The following GALNT13 variants were observed in gnomAD, a reference collection of about 807,000 sequenced individuals.
GALNT13 encodes UDP-GalNAc:polypeptide N-acetylgalactosaminyltransferase 13.
In GALNT13, 28 loss-of-function variants were observed where a neutral mutation model predicts 64.2. The ratio of observed to expected loss-of-function variants is 0.44; its 90% CI spans 0.32 to 0.60. The LOEUF is 0.60. Ranked by LOEUF, GALNT13 falls within the 20% of genes least tolerant of loss-of-function variation. GALNT13 has a pLI of 0.05. For missense variants in GALNT13, 577 were observed against 669.8 expected (o/e 0.86, Z 1.53); for synonymous variants, 214 against 224.6 (o/e 0.95, Z 0.42).
intron 2 of GALNT13, among the ~76,000 whole-genome samples, chr2:153,931,018 A>G (rs72865024): frequency 0.071 from 10,667 of 150,506 alleles, 438 homozygotes; most frequent in Middle Eastern, 0.13. Flanking sequence ...GTAATTCTCA[A>G]TGTAGAGATA....
chr2:154,067,570 AT>A (rs1700533847), intron 3 of GALNT13, among the ~76,000 whole-genome samples: 1 of 152,128 alleles, frequency 6.6e-6, no homozygotes, highest in African/African-American at 2.4e-5. Context: ...AAATGGGTCA[AT>A]TTAGCCAGAG....
chr2:154,003,642 C>G (rs1305056787), intron 3 of GALNT13, among the ~76,000 whole-genome samples: 1 of 152,052 alleles, frequency 6.6e-6, no homozygotes, highest in Admixed American at 6.5e-5. Context: ...GTGTCCTTAC[C>G]CAAATCTCAT....
chr2:154,093,346 TA>T (rs1393987049), intron 3 of GALNT13, among the ~76,000 whole-genome samples: 1 of 151,916 alleles, frequency 6.6e-6, no homozygotes, highest in African/African-American at 2.4e-5. Flanking sequence ...ATGTTTGGAG[TA>T]AAGAGTAATT....
intron 4 of GALNT13, 75 bp downstream of exon 4, chr2:154,140,580 T>C: frequency 9.9e-7 from 1 of 1,009,056 alleles, no homozygotes; most frequent in South Asian, 1.6e-5. Flanking sequence ...TTGAGCTAAC[T>C]CAGATTATAT....
intron 3 of GALNT13, among the ~76,000 whole-genome samples, chr2:154,087,664 G>A (rs1488864978): frequency 3.3e-5 from 5 of 152,030 alleles, no homozygotes; most frequent in Non-Finnish European, 7.4e-5. Context: ...GAGAAAAATA[G>A]TATAAAATCA....
intron 3 of GALNT13, among the ~76,000 whole-genome samples, chr2:154,127,257 A>G (rs960200290): frequency 2.6e-5 from 4 of 152,118 alleles, no homozygotes; most frequent in African/African-American, 9.7e-5. Flanking sequence ...ATAAATAGAT[A>G]TTAAAGCTGT....
the GALNT13 span, among the ~76,000 whole-genome samples, chr2:153,128,296 G>A: frequency 3.9e-5 from 6 of 152,156 alleles, no homozygotes; most frequent in East Asian, 1.9e-4. Context: ...TCACAATCAC[G>A]GTGGAAAGCA....
chr2:153,717,961 G>GT, the GALNT13 span, among the ~76,000 whole-genome samples: 6,580 of 147,102 alleles, frequency 0.045, 179 homozygotes, highest in Non-Finnish European at 0.053. Flanking sequence ...CTAAAAATTA[G>GT]TTTTTTTTTT....
chr2:154,096,407 T>C (rs1022400223), intron 3 of GALNT13, among the ~76,000 whole-genome samples: 2 of 152,044 alleles, frequency 1.3e-5, no homozygotes, highest in African/African-American at 4.8e-5. Flanking sequence ...CACTGTGACA[T>C]TGAGATGGCT....
the GALNT13 span, among the ~76,000 whole-genome samples, chr2:153,292,549 G>A: frequency 1.3e-5 from 2 of 152,162 alleles, no homozygotes; most frequent in African/African-American, 2.4e-5. Flanking sequence ...CACAGAGTGT[G>A]AGAAAAGCCA....
the GALNT13 span, among the ~76,000 whole-genome samples, chr2:153,072,469 A>C: frequency 6.6e-6 from 1 of 152,218 alleles, no homozygotes; most frequent in Non-Finnish European, 1.5e-5. Context: ...AAATGCTTTC[A>C]GTGCTTGATT....
the GALNT13 span, among the ~76,000 whole-genome samples, chr2:153,694,719 T>C: frequency 6.6e-6 from 1 of 152,316 alleles, no homozygotes; most frequent in East Asian, 1.9e-4. Flanking sequence ...ATCTTCAAAT[T>C]TGATTTGCTT....
intron 9 of GALNT13, among the ~76,000 whole-genome samples, chr2:154,340,025 A>G (rs564558001): frequency 1.3e-5 from 2 of 152,250 alleles, no homozygotes; most frequent in East Asian, 1.9e-4. Flanking sequence ...AAAAATGTCT[A>G]TTCTAATTCT....
intron 3 of GALNT13, among the ~76,000 whole-genome samples, chr2:153,983,505 G>A (rs1694604625): frequency 6.6e-6 from 1 of 151,680 alleles, no homozygotes; most frequent in Admixed American, 6.6e-5. Context: ...TTTAATTTTT[G>A]GGTTGGTTGG....
the GALNT13 span, among the ~76,000 whole-genome samples, chr2:153,768,458 T>G: frequency 6.6e-6 from 1 of 152,200 alleles, no homozygotes; most frequent in African/African-American, 2.4e-5. Context: ...ATTTGTTTTT[T>G]GAATCCGGGT....
chr2:153,596,912 T>C, the GALNT13 span, among the ~76,000 whole-genome samples: 3 of 152,094 alleles, frequency 2.0e-5, no homozygotes, highest in Admixed American at 1.3e-4. Context: ...ACAAATTATG[T>C]AGGAAGACTA....
chr2:153,724,783 A>G, the GALNT13 span, among the ~76,000 whole-genome samples: 6 of 137,848 alleles, frequency 4.4e-5, no homozygotes, highest in African/African-American at 1.5e-4. Context: ...TTAGAATGGC[A>G]ATCATTAAAA....
the GALNT13 span, among the ~76,000 whole-genome samples, chr2:153,305,376 T>A: frequency 1.3e-5 from 2 of 152,164 alleles, no homozygotes. Flanking sequence ...CCACCTTGTA[T>A]TCTGCTGCCT....
chr2:154,409,110 T>A, intron 11 of GALNT13, 28 bp downstream of exon 11: 1 of 1,381,388 alleles, frequency 7.2e-7, no homozygotes. Flanking sequence ...ATCAGCTTCA[T>A]GTTTTAGAGG....
Sources: allele counts gnomAD v4.1 joint callset (sites outside exome capture counted in the v4.1 genomes callset), GRCh38; gene constraint gnomAD v4.1.1; transcripts MANE v1.5; gene names NCBI Gene and HGNC (gene_info 2026-07-23, HGNC 2026-07-21).